EEFSEC: variants seen among roughly 807,000 people sequenced by gnomAD.
The protein encoded by EEFSEC is eukaryotic elongation factor, selenocysteine-tRNA specific.
In EEFSEC, 43 loss-of-function variants were observed where a neutral mutation model predicts 42.1. That is an observed-to-expected ratio of 1.02 (90% CI 0.80 to 1.32). The LOEUF (loss-of-function observed/expected upper bound fraction) is 1.32. Among genes scored for constraint, EEFSEC ranks in the 40% most tolerant of loss-of-function variants. The pLI is 0.00. For missense variants in EEFSEC, 745 were observed against 803.6 expected (o/e 0.93, Z 0.88); for synonymous variants, 354 against 339.1 (o/e 1.04, Z -0.48).
intron 1 of EEFSEC, among the ~76,000 whole-genome samples, chr3:128,222,331 C>T (rs1379642607): frequency 1.3e-5 from 2 of 152,134 alleles, no homozygotes; most frequent in African/African-American, 4.8e-5. Flanking sequence ...CTGCGCCCAG[C>T]TTAAAGTATT....
chr3:128,322,288 C>T (rs2067016118), intron 4 of EEFSEC, among the ~76,000 whole-genome samples: 1 of 152,272 alleles, frequency 6.6e-6, no homozygotes, highest in Admixed American at 6.5e-5. Context: ...CATGCCTGCG[C>T]CTACTTGCCC....
intron 1 of EEFSEC, among the ~76,000 whole-genome samples, chr3:128,212,037 A>G (rs1472674249): frequency 1.3e-5 from 2 of 150,094 alleles, no homozygotes; most frequent in Admixed American, 6.6e-5. Context: ...TTTTTTTTGT[A>G]TTTTTAGTAG....
intron 1 of EEFSEC, among the ~76,000 whole-genome samples, chr3:128,175,966 C>T (rs1310451064): frequency 6.6e-6 from 1 of 152,206 alleles, no homozygotes; most frequent in Non-Finnish European, 1.5e-5. Context: ...CTCTGAGCCT[C>T]AGTTTTCTCA....
At chr3:128,336,888 C>T (rs1307238792) in intron 4 of EEFSEC, 1 of 152,246 alleles carries the variant, frequency 6.6e-6, no homozygotes, top group East Asian at 1.9e-4. Flanking sequence ...TTTTGCTCGT[C>T]CTGCTGGCAT....
chr3:128,178,887 T>TG (rs1297397563), intron 1 of EEFSEC, among the ~76,000 whole-genome samples: 1 of 152,254 alleles, frequency 6.6e-6, no homozygotes, highest in African/African-American at 2.4e-5. Flanking sequence ...GAACAAGCTT[T>TG]GGATGTTTGG....
At chr3:128,276,532 C>G (rs1007763507) in intron 4 of EEFSEC, among the ~76,000 whole-genome samples, 1 of 152,164 alleles carries the variant, frequency 6.6e-6, no homozygotes, top group Non-Finnish European at 1.5e-5. Context: ...AATAACAGAG[C>G]CTGCTTTGTA....
At chr3:128,294,255 A>C (rs138126672) in intron 4 of EEFSEC, among the ~76,000 whole-genome samples, 197 of 152,280 alleles carry the variant, frequency 1.3e-3, no homozygotes, top group South Asian at 7.0e-3. Context: ...GTGGAGGACT[A>C]TCTGTCCTTC....
At chr3:128,364,423 C>T (rs773132436) in intron 6 of EEFSEC, among the ~76,000 whole-genome samples, 1 of 152,184 alleles carries the variant, frequency 6.6e-6, no homozygotes, top group Non-Finnish European at 1.5e-5. Flanking sequence ...GAGCGGGGAG[C>T]AGAAGGCTGC....
the EEFSEC span, among the ~76,000 whole-genome samples, chr3:128,418,635 A>G: frequency 1.5e-5 from 2 of 132,534 alleles, no homozygotes; most frequent in Non-Finnish European, 3.3e-5. Flanking sequence ...TACTCTGCTC[A>G]CACCCCAACT....
the EEFSEC span, among the ~76,000 whole-genome samples, chr3:128,419,412 G>A: frequency 4.6e-5 from 7 of 152,210 alleles, no homozygotes; most frequent in Non-Finnish European, 7.3e-5. Flanking sequence ...AAAAGGATAC[G>A]TGCAGAATGA....
chr3:128,327,932 G>A (rs943253562), intron 4 of EEFSEC, among the ~76,000 whole-genome samples: 2 of 152,162 alleles, frequency 1.3e-5, no homozygotes, highest in African/African-American at 2.4e-5. Context: ...TTGTTGGCTC[G>A]TGGGCTATGG....
intron 1 of EEFSEC, among the ~76,000 whole-genome samples, chr3:128,163,283 C>T (rs1357406148): frequency 2.0e-5 from 3 of 151,846 alleles, no homozygotes; most frequent in East Asian, 3.9e-4. Context: ...AGTGAGTCCT[C>T]GTTCTTCTAG....
chr3:128,353,193 A>C (rs373581048), intron 5 of EEFSEC, among the ~76,000 whole-genome samples: 7 of 152,346 alleles, frequency 4.6e-5, no homozygotes, highest in African/African-American at 1.7e-4. Flanking sequence ...TATTTTGTTT[A>C]AAGTAACAGT....
Position 128,408,345 on chromosome 3 carries a change from T to C in EEFSEC, c.*86T>C. The stretch of plus-strand genomic sequence containing the variant: ...TCCCAACCAGCCACGCCTCAGCCTC[T>C]CCCAGTCTCTCCCTGCAGTCCTGCA... On this transcript the variant is annotated 3_prime_UTR_variant, in exon 7 of 7. Coordinates refer to ENST00000254730, the MANE Select transcript of EEFSEC (RefSeq NM_021937.5). 7.4e-7 allele frequency: 1 copy of C among 1,344,176 alleles called. No homozygotes were observed. The allele number at this position is 1,344,176 out of a possible 1,614,324, so 83.3% of individuals were successfully genotyped here.
At chr3:128,409,654 C>T (rs1377224026), downstream of EEFSEC, among the ~76,000 whole-genome samples, 1 of 152,204 alleles carries the variant, frequency 6.6e-6, no homozygotes, top group East Asian at 1.9e-4. Flanking sequence ...GCGTGGCCTC[C>T]GCGGCTGCTG....
chr3:128,363,912 C>T (rs2067557816), intron 6 of EEFSEC, among the ~76,000 whole-genome samples: 1 of 152,186 alleles, frequency 6.6e-6, no homozygotes, highest in African/African-American at 2.4e-5. Flanking sequence ...CCCAGAACCT[C>T]AGCAATGCGG....
intron 1 of EEFSEC, among the ~76,000 whole-genome samples, chr3:128,171,582 A>G (rs1350801839): frequency 1.3e-5 from 2 of 152,084 alleles, no homozygotes; most frequent in Non-Finnish European, 2.9e-5. Context: ...CAACCCTTCT[A>G]TACTCAGTTT....
intron 6 of EEFSEC, among the ~76,000 whole-genome samples, chr3:128,372,577 G>A (rs977090865): frequency 3.3e-5 from 5 of 152,210 alleles, no homozygotes; most frequent in Non-Finnish European, 7.3e-5. Flanking sequence ...GGGGCAGGAC[G>A]GTGCTCCAGC....
chr3:128,187,561 T>G (rs1288227135), intron 1 of EEFSEC, among the ~76,000 whole-genome samples: 1 of 152,254 alleles, frequency 6.6e-6, no homozygotes, highest in Non-Finnish European at 1.5e-5. Flanking sequence ...ATTTTTTTCT[T>G]TTGCAAATGT....
Sources: gnomAD v4.1 joint callset for allele counts (sites outside exome capture counted in the v4.1 genomes callset) on GRCh38, gnomAD v4.1.1 for gene constraint, MANE v1.5 for transcripts, NCBI Gene and HGNC (gene_info 2026-07-23, HGNC 2026-07-21) for gene names.